PRDM1: variants seen among roughly 807,000 people sequenced by gnomAD.
PRDM1 encodes the protein PR domain zinc finger protein 1.
PRDM1 carries 13 observed loss-of-function variants against 62.8 expected under a neutral mutation model. That is an observed-to-expected ratio of 0.21 (90% CI 0.13 to 0.33). The LOEUF is 0.33. Ranked by LOEUF, PRDM1 falls within the 10% of genes least tolerant of loss-of-function variation. PRDM1 has a pLI of 1.00. For missense variants in PRDM1, 895 were observed against 1,058.8 expected (o/e 0.85, Z 2.15); for synonymous variants, 396 against 417.6 (o/e 0.95, Z 0.63).
chr6:106,029,221 C>A (rs1486909185), intron 1 of PRDM1, among the ~76,000 whole-genome samples: 1 of 151,892 alleles, frequency 6.6e-6, no homozygotes, highest in African/African-American at 2.4e-5. Flanking sequence ...ACCCGGCCTT[C>A]CCTATGTTTT....
At chr6:106,064,532 A>G (rs991222939) in intron 1 of PRDM1, among the ~76,000 whole-genome samples, 1 of 152,212 alleles carries the variant, frequency 6.6e-6, no homozygotes, top group African/African-American at 2.4e-5. Flanking sequence ...GGAGATGGGA[A>G]GCAGTGCAAG....
At chr6:106,088,517 G>T in intron 2 of PRDM1, 68 bp downstream of exon 2, 1 of 1,572,980 alleles carries the variant, frequency 6.4e-7, no homozygotes, top group Non-Finnish European at 8.7e-7. Context: ...TGCCCTTGAG[G>T]CCTTGTATAT....
chr6:106,062,867 G>A (rs1310509032), intron 1 of PRDM1, among the ~76,000 whole-genome samples: 1 of 152,074 alleles, frequency 6.6e-6, no homozygotes, highest in Non-Finnish European at 1.5e-5. Context: ...ATCAGTGCTG[G>A]TTTCTGTTTT....
intron 1 of PRDM1, among the ~76,000 whole-genome samples, chr6:106,070,236 A>G (rs1405928573): frequency 6.6e-6 from 1 of 152,232 alleles, no homozygotes; most frequent in Non-Finnish European, 1.5e-5. Flanking sequence ...AACATTTCAG[A>G]TACCCCCTTC....
rs188550195 is a variant in PRDM1, at chr6:106,051,450, G to C, written c.-67+2736G>C. Reference sequence around the variant, plus strand: ...TTCAAACAGGAAGGGAAGGAATCATGTTACTTAAACTGCTATTTTCACATA... The same window carrying C: ...TTCAAACAGGAAGGGAAGGAATCATCTTACTTAAACTGCTATTTTCACATA... On this transcript the variant is annotated intron_variant, in intron 1 of 6. Transcript: ENST00000651185. 1.9e-4 allele frequency among the ~76,000 whole-genome samples: 29 copies of C among 152,320 alleles called. No homozygotes were observed. In the East Asian group the frequency reaches 5.2e-3, roughly 27 times the overall value.
chr6:106,083,182 GC>G (rs1343714063), upstream of PRDM1, among the ~76,000 whole-genome samples: 1 of 127,364 alleles, frequency 7.9e-6, no homozygotes, highest in Non-Finnish European at 1.6e-5. Flanking sequence ...GCATGAAGAT[GC>G]CTAACTTACA....
chr6:106,008,841 T>A (rs1039182475), intron 1 of PRDM1, among the ~76,000 whole-genome samples: 3 of 152,246 alleles, frequency 2.0e-5, no homozygotes, highest in Non-Finnish European at 4.4e-5. Flanking sequence ...CTTCTCTTGT[T>A]GGCTTTGTAT....
At chr6:106,085,087 C>A (rs1042921791), upstream of PRDM1, among the ~76,000 whole-genome samples, 7 of 152,086 alleles carry the variant, frequency 4.6e-5, no homozygotes, top group Non-Finnish European at 8.8e-5. Flanking sequence ...TTGAGTTGGG[C>A]TTTTGTTTTG....
intron 1 of PRDM1, among the ~76,000 whole-genome samples, chr6:106,052,422 T>C: frequency 6.6e-6 from 1 of 152,224 alleles, no homozygotes; most frequent in Admixed American, 6.5e-5. Flanking sequence ...TGGTTATTGA[T>C]GCCTTTAATG....
intron 1 of PRDM1, among the ~76,000 whole-genome samples, chr6:106,032,376 G>A (rs1772856650): frequency 6.8e-6 from 1 of 146,142 alleles, no homozygotes; most frequent in South Asian, 2.2e-4. Flanking sequence ...ACGTTGCCCA[G>A]GTTGGTCTAG....
At chr6:106,090,341 C>T (rs1202548435) in intron 2 of PRDM1, among the ~76,000 whole-genome samples, 1 of 152,176 alleles carries the variant, frequency 6.6e-6, no homozygotes, top group African/African-American at 2.4e-5. Flanking sequence ...GAAGGTCCTT[C>T]GAAACTAACC....
At chr6:106,039,719 G>A (rs1772967845) in intron 1 of PRDM1, among the ~76,000 whole-genome samples, 1 of 152,112 alleles carries the variant, frequency 6.6e-6, no homozygotes, top group African/African-American at 2.4e-5. Context: ...TGATCAAAAT[G>A]TTACTTTAAA....
intron 1 of PRDM1, among the ~76,000 whole-genome samples, chr6:106,077,524 T>C (rs1773623436): frequency 6.6e-6 from 1 of 152,248 alleles, no homozygotes; most frequent in South Asian, 2.1e-4. Context: ...AGCAACTCTG[T>C]AGCAATACAT....
chr6:106,108,671 G>C lies in PRDM1; in HGVS notation c.*1185G>C, dbSNP rs947814240. On this transcript the variant is annotated 3_prime_UTR_variant, in exon 7 of 7. Transcript: ENST00000369096. ...ATTCTAGTCATCTTGGGGTAAAAGC[G>C]GGTAATGAACATTCCTATCCCCAAC... 5 of 233,106 alleles carry C rather than the reference G, an allele frequency of 2.1e-5. No individual in the cohort carries two copies. The highest frequency in any genetic ancestry group is 1.8e-4 in the South Asian group (1 of 5,486). 14.4% of individuals were successfully genotyped at this position (233,106 alleles called of 1,614,324 possible). A position where few individuals can be genotyped will look rare whatever the true frequency, so the allele number is the denominator to read the frequency against.
intron 1 of PRDM1, 81 bp from the exon 2 acceptor site, chr6:106,088,118 TAC>T: frequency 6.7e-7 from 1 of 1,484,340 alleles, no homozygotes; most frequent in South Asian, 1.4e-5. Flanking sequence ...GTCTTCAGAC[TAC>T]TGTATTAGTC....
At chr6:106,061,509 T>C (rs1773344780) in intron 1 of PRDM1, among the ~76,000 whole-genome samples, 1 of 152,234 alleles carries the variant, frequency 6.6e-6, no homozygotes, top group Non-Finnish European at 1.5e-5. Context: ...GCAGTGGGCA[T>C]GATAATCACG....
chr6:106,091,742 C>T (rs1301496217), intron 2 of PRDM1, among the ~76,000 whole-genome samples: 1 of 151,720 alleles, frequency 6.6e-6, no homozygotes, highest in Non-Finnish European at 1.5e-5. Context: ...CATTGCACTC[C>T]AGCCCAGGCA....
intron 1 of PRDM1, among the ~76,000 whole-genome samples, chr6:106,038,502 A>G (rs1293045050): frequency 6.6e-6 from 1 of 152,226 alleles, no homozygotes; most frequent in Non-Finnish European, 1.5e-5. Context: ...GAAAAGGAGA[A>G]AAATGAAGAA....
At chr6:106,024,543 A>G (rs1366300550) in intron 1 of PRDM1, among the ~76,000 whole-genome samples, 1 of 152,180 alleles carries the variant, frequency 6.6e-6, no homozygotes, top group East Asian at 1.9e-4. Flanking sequence ...TAAGACAGAC[A>G]TGTGATGTTT....
Sources: allele counts gnomAD v4.1 joint callset (sites outside exome capture counted in the v4.1 genomes callset), GRCh38; gene constraint gnomAD v4.1.1; transcripts MANE v1.5; gene names NCBI Gene and HGNC (gene_info 2026-07-23, HGNC 2026-07-21).